The following RYR2 variants were observed in gnomAD, a reference collection of about 807,000 sequenced individuals.
RYR2 encodes the protein ryanodine receptor 2.
In RYR2, 227 loss-of-function variants were observed where a neutral mutation model predicts 601.1. The observed-to-expected ratio is 0.38, with a 90% CI of 0.34 to 0.42. The LOEUF is 0.42. RYR2 is among the 10% of genes least tolerant of loss of function. RYR2 has a pLI of 1.00. For missense variants in RYR2, 4,646 were observed against 6,156.5 expected (o/e 0.75, Z 8.21); for synonymous variants, 2,223 against 2,175.1 (o/e 1.02, Z -0.61).
chr1:237,514,612 T>C (rs1666237658), intron 24 of RYR2, among the ~76,000 whole-genome samples: 1 of 152,230 alleles, frequency 6.6e-6, no homozygotes, highest in African/African-American at 2.4e-5. Context: ...TACAGTACTT[T>C]CTTCCTATAT....
chr1:237,328,509 G>GAAATT (rs1696383702), intron 2 of RYR2, among the ~76,000 whole-genome samples: 1 of 151,974 alleles, frequency 6.6e-6, no homozygotes, highest in Non-Finnish European at 1.5e-5. Flanking sequence ...TTTGCTGGCT[G>GAAATT]AAATTGTCTG....
At chr1:237,716,586 G>A (rs1203189032) in intron 71 of RYR2, among the ~76,000 whole-genome samples, 1 of 152,110 alleles carries the variant, frequency 6.6e-6, no homozygotes, top group Admixed American at 6.6e-5. Flanking sequence ...TGAGTAACAT[G>A]GCAGTATTCA....
At chr1:237,586,718 CT>C (rs895694157) in intron 29 of RYR2, among the ~76,000 whole-genome samples, 13 of 149,272 alleles carry the variant, frequency 8.7e-5, no homozygotes, top group Middle Eastern at 3.5e-3. Flanking sequence ...ATAACAACTT[CT>C]TTTTTTTTTC....
chr1:237,469,170 G>A lies in RYR2; in HGVS notation c.1691G>A (p.Arg564Lys), dbSNP rs1660408895. 4 of 1,590,898 alleles carry A rather than the reference G, an allele frequency of 2.5e-6. No homozygotes were observed. Among genetic ancestry groups the A allele is most frequent in the Non-Finnish European group, 3.4e-6 (4 of 1,167,642 alleles). Residue 564 changes from arginine (R) to lysine (K), a missense_variant, in exon 17 of 105, where the codon AGA becomes AAA. Around this residue, in one of 17 missense-constraint regions of RYR2, gnomAD observed 1,807 missense variants for 2,088.1 expected, o/e 0.87. Transcript: ENST00000366574. ...SLDWLISRLERLEASSGILEV... is the reference protein window; with the variant it reads ...SLDWLISRLEKLEASSGILEV... ...GACTGGTTGATCAGCAGATTGGAAAGACTGGAAGCTTCTTCAGGTATGTTT... is the reference window on the plus strand; with the variant it reads ...GACTGGTTGATCAGCAGATTGGAAAAACTGGAAGCTTCTTCAGGTATGTTT...
intron 11 of RYR2, among the ~76,000 whole-genome samples, chr1:237,420,314 A>AT (rs1170459227): frequency 1.3e-5 from 2 of 152,164 alleles, no homozygotes; most frequent in Non-Finnish European, 2.9e-5. Context: ...TTCAAGTTCT[A>AT]TTTTTTATGT....
At chr1:237,409,488 T>C (rs1704230845) in intron 10 of RYR2, among the ~76,000 whole-genome samples, 1 of 152,174 alleles carries the variant, frequency 6.6e-6, no homozygotes, top group African/African-American at 2.4e-5. Flanking sequence ...AATTACCTTA[T>C]GTATACAAAA....
rs1355761857 is a variant in RYR2 at position 237,732,062 on chromosome 1, C to T, written c.10952C>T (p.Pro3651Leu). ...TTTTTGCAGAAACCTGGGGCTGAACCTCCAGAAGAAGATGAAGGCACTAAG... is the reference window on the plus strand; with the variant it reads ...TTTTTGCAGAAACCTGGGGCTGAACTTCCAGAAGAAGATGAAGGCACTAAG... ...IEDLAKPGAE[P>L]PEEDEGTKRV... The change falls in exon 78 of 105, where the codon CCT (proline) becomes CTT (leucine). Residue 3651 changes from proline to leucine, a missense_variant. Pro to Leu is a moderately conservative substitution (Grantham distance 98). This residue lies in a region of RYR2 where 1,497 missense variants were observed against 1,842.6 expected (regional missense o/e 0.81). Transcript: ENST00000366574. 1.2e-6 allele frequency: 2 copies of T among 1,603,572 alleles called. No individual in the cohort carries two copies. The highest frequency in any genetic ancestry group is 2.7e-5 in the African/African-American group (2 of 74,470).
chr1:237,105,405 G>A (rs1164065561), intron 1 of RYR2, among the ~76,000 whole-genome samples: 1 of 152,146 alleles, frequency 6.6e-6, no homozygotes, highest in African/African-American at 2.4e-5. Context: ...GATTTTAAAT[G>A]TAGTTATCAG....
At chr1:237,684,972 A>T (rs927034391) in intron 62 of RYR2, among the ~76,000 whole-genome samples, 2 of 151,890 alleles carry the variant, frequency 1.3e-5, no homozygotes, top group African/African-American at 4.8e-5. Context: ...CAAGGAAGGT[A>T]AGAGTTTCAC....
rs921182504 is a variant in RYR2 at position 237,558,044 on chromosome 1, G to T, written c.3214+7353G>T. On this transcript the variant is annotated intron_variant, in intron 27 of 104. Transcript: ENST00000366574. ...GTGGACATTTTTACACTAAGGGAGA[G>T]AGAGAGGTTGAAAGTACAGTAAGAG... Among the ~76,000 whole-genome samples, 7 of 152,164 alleles carry T rather than the reference G, an allele frequency of 4.6e-5. No individual in the cohort carries two copies. The East Asian group carries it at 1.3e-3, about 29-fold the overall frequency.
At chr1:237,791,591 G>C (rs908260714) in intron 93 of RYR2, 76 bp downstream of exon 93, 10 of 781,132 alleles carry the variant, frequency 1.3e-5, no homozygotes, top group African/African-American at 6.9e-5. Context: ...CACGATGAAC[G>C]TATCTACTAC....
At chr1:237,327,227 C>G (rs1433674403) in intron 2 of RYR2, among the ~76,000 whole-genome samples, 1 of 151,858 alleles carries the variant, frequency 6.6e-6, no homozygotes, top group Non-Finnish European at 1.5e-5. Flanking sequence ...AAAGAGAAAG[C>G]ATGGTGAAGA....
chr1:237,420,031 A>C (rs1572239237), intron 11 of RYR2, among the ~76,000 whole-genome samples: 1 of 152,266 alleles, frequency 6.6e-6, no homozygotes, highest in East Asian at 1.9e-4. Flanking sequence ...TCTTTTCTCC[A>C]GTGAGATCCT....
At chr1:237,818,092 C>T (rs964137197) in intron 100 of RYR2, among the ~76,000 whole-genome samples, 7 of 152,104 alleles carry the variant, frequency 4.6e-5, no homozygotes, top group African/African-American at 1.7e-4. Flanking sequence ...TTTGGGAAAG[C>T]TGAGTGTGGC....
At chr1:237,334,938 G>A (rs968985984) in intron 3 of RYR2, among the ~76,000 whole-genome samples, 1 of 152,112 alleles carries the variant, frequency 6.6e-6, no homozygotes, top group African/African-American at 2.4e-5. Flanking sequence ...TATCATCAAG[G>A]CTTAGTAATT....
At chr1:237,229,098 G>C (rs1684701816) in intron 1 of RYR2, among the ~76,000 whole-genome samples, 1 of 150,324 alleles carries the variant, frequency 6.7e-6, no homozygotes, top group African/African-American at 2.4e-5. Flanking sequence ...AGAGACTGCA[G>C]ACCTAGCCCT....
intron 44 of RYR2, 21 bp from the exon 45 acceptor site, chr1:237,638,336 T>C (rs1681089344): frequency 1.2e-6 from 2 of 1,613,592 alleles, no homozygotes; most frequent in South Asian, 1.1e-5. Flanking sequence ...GATAACTCTT[T>C]GTTAATCATG....
At chr1:237,615,087 C>A (rs1389115806) in intron 37 of RYR2, among the ~76,000 whole-genome samples, 1 of 152,138 alleles carries the variant, frequency 6.6e-6, no homozygotes, top group East Asian at 1.9e-4. Flanking sequence ...CCATCAAATA[C>A]CCCTTTCCAC....
intron 1 of RYR2, among the ~76,000 whole-genome samples, chr1:237,044,018 T>C (rs1348678541): frequency 6.6e-6 from 1 of 152,184 alleles, no homozygotes; most frequent in African/African-American, 2.4e-5. Context: ...GACAACCTAA[T>C]AGTAATCCAG....
Sources: gnomAD v4.1 joint callset for allele counts (sites outside exome capture counted in the v4.1 genomes callset) on GRCh38, gnomAD v4.1.1 for gene constraint, gnomAD v4.1.1 regional missense constraint, MANE v1.5 for transcripts, NCBI Gene and HGNC (gene_info 2026-07-23, HGNC 2026-07-21) for gene names.